CADM2: variants seen among roughly 807,000 people sequenced by gnomAD.
The protein encoded by CADM2 is immunoglobulin superfamily member 4D.
CADM2 carries 12 observed loss-of-function variants against 49.8 expected under a neutral mutation model. That is an observed-to-expected ratio of 0.24 (90% CI 0.15 to 0.39). The LOEUF is 0.39. CADM2 is among the 10% of genes least tolerant of loss of function. CADM2 has a pLI of 1.00. For synonymous variants in CADM2, 214 were observed against 175.4 expected (o/e 1.22, Z -1.74); for missense variants, 378 against 492.3 (o/e 0.77, Z 2.20).
chr3:85,710,683 G>A (rs544963540), intron 1 of CADM2, among the ~76,000 whole-genome samples: 4 of 152,236 alleles, frequency 2.6e-5, no homozygotes, highest in African/African-American at 4.8e-5. Context: ...TGGCACAGGG[G>A]TGTGACTCAT....
chr3:86,004,582 C>A (rs141395675), intron 8 of CADM2, among the ~76,000 whole-genome samples: 4 of 152,226 alleles, frequency 2.6e-5, no homozygotes, highest in African/African-American at 9.6e-5. Context: ...ATTTCCCGGG[C>A]TTTTAGTCTT....
Position 85,453,687 on chromosome 3 carries a change from T to A in CADM2, c.62-272835T>A, listed in dbSNP as rs186481604. On this transcript the variant is annotated intron_variant, in intron 1 of 9. Coordinates refer to ENST00000383699, the MANE Select transcript of CADM2 (RefSeq NM_001167675.2). ...GGTGAATGTTTTATTACATTTTACA[T>A]CATCACTTACCTAAAAAAAACCTGT... Among the ~76,000 whole-genome samples, 3 of 152,240 alleles carry A rather than the reference T, an allele frequency of 2.0e-5. No homozygotes were observed. The East Asian group carries it at 5.8e-4, about 29-fold the overall frequency.
chr3:85,484,998 T>A (rs1250714381), intron 1 of CADM2, among the ~76,000 whole-genome samples: 1 of 151,878 alleles, frequency 6.6e-6, no homozygotes, highest in African/African-American at 2.4e-5. Context: ...GTCAAAACAG[T>A]GACACTTAAA....
chr3:85,789,623 A>C (rs147301739), intron 2 of CADM2, among the ~76,000 whole-genome samples: 10 of 152,310 alleles, frequency 6.6e-5, no homozygotes, highest in African/African-American at 2.4e-4. Context: ...CATCAAGTTC[A>C]CTTTTTCCTT....
chr3:85,585,319 G>A (rs1244946239), intron 1 of CADM2, among the ~76,000 whole-genome samples: 3 of 151,780 alleles, frequency 2.0e-5, no homozygotes, highest in Non-Finnish European at 4.4e-5. Flanking sequence ...TGGCAATTCA[G>A]ATATGCCAAA....
intron 1 of CADM2, among the ~76,000 whole-genome samples, chr3:85,310,087 G>T (rs2044307637): frequency 1.3e-5 from 2 of 152,094 alleles, no homozygotes; most frequent in South Asian, 2.1e-4. Flanking sequence ...AACAGAAAAG[G>T]CTTTAATAAT....
intron 6 of CADM2, among the ~76,000 whole-genome samples, chr3:85,924,957 A>G (rs1448279390): frequency 1.3e-5 from 2 of 152,218 alleles, no homozygotes; most frequent in African/African-American, 2.4e-5. Context: ...TCTATGCTTT[A>G]CATTATTTCT....
intron 1 of CADM2, among the ~76,000 whole-genome samples, chr3:85,249,600 T>G (rs2042728116): frequency 6.6e-6 from 1 of 152,008 alleles, no homozygotes; most frequent in African/African-American, 2.4e-5. Flanking sequence ...ATTACCAGAA[T>G]ATCTTTCCTT....
intron 1 of CADM2, among the ~76,000 whole-genome samples, chr3:85,022,101 T>A (rs1448355417): frequency 6.6e-6 from 1 of 152,194 alleles, no homozygotes; most frequent in Non-Finnish European, 1.5e-5. Context: ...AGCCAGGGGC[T>A]CATAGATATT....
chr3:85,470,203 G>T (rs1473370660), intron 1 of CADM2, among the ~76,000 whole-genome samples: 1 of 152,094 alleles, frequency 6.6e-6, no homozygotes, highest in South Asian at 2.1e-4. Context: ...ACTTGTTATG[G>T]ATACAAACAG....
intron 6 of CADM2, among the ~76,000 whole-genome samples, chr3:85,923,573 G>T (rs1719440104): frequency 6.7e-6 from 1 of 149,188 alleles, no homozygotes. Context: ...AAACACAGTA[G>T]CAAACAGAAC....
intron 1 of CADM2, among the ~76,000 whole-genome samples, chr3:85,371,661 A>ATG (rs760996256): frequency 0.41 from 21,911 of 52,856 alleles, 5,317 homozygotes; most frequent in Non-Finnish European, 0.54. Flanking sequence ...ATATATATAT[A>ATG]TGTGTGTGTG....
chr3:85,834,669 G>A, intron 3 of CADM2, among the ~76,000 whole-genome samples: 1 of 151,304 alleles, frequency 6.6e-6, no homozygotes, highest in East Asian at 1.9e-4. Flanking sequence ...GAATCTACTG[G>A]ACACATGGAG....
chr3:85,296,444 G>A lies in CADM2; in HGVS notation c.61+336776G>A, dbSNP rs551820179. Among the ~76,000 whole-genome samples, 273 of 151,694 alleles carry A rather than the reference G, an allele frequency of 1.8e-3. 1 individual carries two copies. The highest frequency in any genetic ancestry group is 6.4e-3 in the African/African-American group (263 of 41,354). On this transcript the variant is annotated intron_variant, in intron 1 of 9. Transcript: ENST00000383699. ...AACAATTTTTTTTTTCTATTTTAAA[G>A]AATGGTAGACCTGCTGTCCCTATAT...
rs115298580 is a variant in CADM2, at chr3:85,795,256, A to G, written c.89-6791A>G. ...ATTGAATGGAGACCTTGAACCATGA[A>G]GAGTTAAAAGATAAAGTAGCAGCTA... On this transcript the variant is annotated intron_variant, in intron 2 of 9. Transcript: ENST00000383699. Among the ~76,000 whole-genome samples, 425 of 152,274 alleles carry G rather than the reference A, an allele frequency of 2.8e-3. 1 individual carries two copies. Among genetic ancestry groups the G allele is most frequent in the Non-Finnish European group, 4.7e-3 (320 of 68,008 alleles).
At chr3:85,726,583 A>G (rs2067704881) in intron 2 of CADM2, 35 bp downstream of exon 2, 2 of 1,558,986 alleles carry the variant, frequency 1.3e-6, no homozygotes, top group Non-Finnish European at 1.8e-6. Context: ...AGTCATCATC[A>G]TTCATTTTTC....
At chr3:85,329,392 GACAC>G (rs145193562) in intron 1 of CADM2, among the ~76,000 whole-genome samples, 5,514 of 146,200 alleles carry the variant, frequency 0.038, 342 homozygotes, top group African/African-American at 0.13. Context: ...CACACACACA[GACAC>G]ACACACACAC....
intron 2 of CADM2, among the ~76,000 whole-genome samples, chr3:85,733,245 G>A (rs2068008442): frequency 6.6e-6 from 1 of 152,314 alleles, no homozygotes; most frequent in African/African-American, 2.4e-5. Context: ...TTCAGGCACA[G>A]CTAATGTGAA....
intron 1 of CADM2, among the ~76,000 whole-genome samples, chr3:85,163,663 A>T (rs1194962376): frequency 1.3e-5 from 2 of 152,046 alleles, no homozygotes; most frequent in African/African-American, 4.8e-5. Context: ...AAAGACTATG[A>T]CAGTTCTTAC....
Sources: allele counts gnomAD v4.1 joint callset (sites outside exome capture counted in the v4.1 genomes callset), GRCh38; gene constraint gnomAD v4.1.1; transcripts MANE v1.5; gene names NCBI Gene and HGNC (gene_info 2026-07-23, HGNC 2026-07-21).